The following TREML2 variants were observed in gnomAD, a reference collection of about 807,000 sequenced individuals.
The protein encoded by TREML2 is trem-like transcript 2 protein.
TREML2 carries 24 observed loss-of-function variants against 25.9 expected under a neutral mutation model. The ratio of observed to expected loss-of-function variants is 0.93; its 90% CI spans 0.67 to 1.30. The LOEUF (loss-of-function observed/expected upper bound fraction) is 1.30, where lower values mean the gene tolerates loss of function less well. Among genes scored for constraint, TREML2 ranks in the 50% most tolerant of loss-of-function variants. TREML2 has a pLI of 0.00. For missense variants in TREML2, 359 were observed against 395.6 expected, an observed-to-expected ratio of 0.91 and a Z score of 0.78; for synonymous variants, 139 against 155.2, an observed-to-expected ratio of 0.90 and a Z score of 0.77.
chr6:41,194,559 A>G lies in TREML2; in HGVS notation c.651T>C (p.Asn217=), dbSNP rs551464347. Residue 217 remains asparagine, a synonymous_variant, in exon 3 of 5, where the codon AAT becomes AAC. Transcript: ENST00000483722. Reference sequence around the variant, plus strand: ...CTGGGCCAGCAGAGGAGTCCCTGGCATTGCTGGGAGACGCGGTCACTGTCT... The same window carrying G: ...CTGGGCCAGCAGAGGAGTCCCTGGCGTTGCTGGGAGACGCGGTCACTGTCT... ...GSQTVTASPS[N]ARDSSAGPES... 6.2e-7 allele frequency: 1 copy of G among 1,614,006 alleles called. No homozygotes were observed. The highest frequency in any genetic ancestry group is 2.2e-5 in the East Asian group (1 of 44,820).
chr6:41,198,166 G>C lies in TREML2; in HGVS notation c.319C>G (p.Arg107Gly), dbSNP rs777126454. Residue 107 changes from arginine (R) to glycine (G), a missense_variant, in exon 2 of 5, where the codon CGC becomes GGC. Physicochemically the swap from Arg to Gly is moderately radical, Grantham distance 125. Coordinates refer to ENST00000483722, the MANE Select transcript of TREML2 (RefSeq NM_024807.4). ...LQDSGRYWCM[R>G]NTSGILYPLM... ...GGGTACAGGATCCCAGAGGTGTTGCGCATGCACCAGTATCGGCCTGAGTCC... is the reference window on the plus strand; with the variant it reads ...GGGTACAGGATCCCAGAGGTGTTGCCCATGCACCAGTATCGGCCTGAGTCC... 2.5e-6 allele frequency: 4 copies of C among 1,613,796 alleles called. No homozygotes were observed. Among genetic ancestry groups the C allele is most frequent in the Non-Finnish European group, 2.5e-6 (3 of 1,179,740 alleles).
Position 41,191,519 on chromosome 6 carries a change from C to A in TREML2, c.*908G>T, listed in dbSNP as rs537289854. ...CCACCCTTCCTCTGAGCCATGGTCT[C>A]CCCACCAGTGTCTGTGGGGTGAGCA... On this transcript the variant is annotated 3_prime_UTR_variant, in exon 5 of 5. Transcript: ENST00000483722. The A allele has an allele frequency of 1.3e-5, 2 of 152,400 alleles. No individual in the cohort carries two copies. 9.4% of individuals were successfully genotyped at this position (152,400 alleles called of 1,614,324 possible).
In TREML2 at chr6:41,192,431, A is replaced by C; in HGVS notation, c.962T>G (p.Ile321Ser). 6.2e-7 allele frequency: 1 copy of C among 1,613,788 alleles called. No homozygotes were observed. The change falls in exon 5 of 5, where the codon ATC (isoleucine) becomes AGC (serine). Residue 321 changes from isoleucine (I) to serine (S), a missense_variant. Ile to Ser is a moderately radical substitution (Grantham distance 142). Transcript: ENST00000483722. ...CCACCCCATGCTTAAGTGGCCTCAGATCAAGTAGACTTCCACATAGGGCTC... is the reference window on the plus strand; with the variant it reads ...CCACCCCATGCTTAAGTGGCCTCAGCTCAAGTAGACTTCCACATAGGGCTC... ...RPEPYVEVYLI is the reference protein window; with the variant it reads ...RPEPYVEVYLS
Position 41,198,221 on chromosome 6 carries a change from G to C in TREML2, c.264C>G (p.Val88=), listed in dbSNP as rs1766206314. The part of the protein sequence containing the change: ...LLQDDAQAKV[V]NITMVALKLQ... ...GCTTGAGGGCCACCATGGTGATGTT[G>C]ACCACCTTGGCCTGGGCATCGTCCT... The change falls in exon 2 of 5, where the codon GTC becomes GTG. Residue 88 remains valine, a synonymous_variant. Coordinates refer to ENST00000483722, the MANE Select transcript of TREML2 (RefSeq NM_024807.4). 1.9e-6 allele frequency: 3 copies of C among 1,614,218 alleles called. No homozygotes were observed. The African/African-American group carries it at 4.0e-5, about 22-fold the overall frequency.
At chr6:41,198,466 G>T in intron 1 of TREML2, 37 bp from the exon 2 acceptor site, 1 of 1,561,078 alleles carries the variant, frequency 6.4e-7, no homozygotes, top group Non-Finnish European at 8.7e-7. Flanking sequence ...GGTCTGGCAA[G>T]AGGAGAGGAA....
At position 41,189,931 on chromosome 6, in the gene TREML2, G is replaced by A. The variant is rs769412884; in HGVS notation, c.*2496C>T. Among the ~76,000 whole-genome samples the A allele has an allele frequency of 7.2e-5, 11 of 152,126 alleles. No homozygotes were observed. The highest frequency in any genetic ancestry group is 1.9e-4 in the East Asian group (1 of 5,194). On this transcript the variant is annotated 3_prime_UTR_variant, in exon 5 of 5. Coordinates refer to ENST00000483722, the MANE Select transcript of TREML2 (RefSeq NM_024807.4). ...GGTAGCTCCCTGCTGTCCTTCTAAT[G>A]TACATGTGGGCCCTTGGCTTGAGTT...
rs138995781 is a variant in TREML2 at position 41,198,389 on chromosome 6, A to G, written c.96T>C (p.Leu32=). The change falls in exon 2 of 5, where the codon CTT becomes CTC. Residue 32 remains leucine, a synonymous_variant. Transcript: ENST00000483722. Reference sequence around the variant, plus strand: ...ACTGCACAGACAGAGTCTCCCCTTCAAGGAGCCTCACTTTTGTGTATACAC... The same window carrying G: ...ACTGCACAGACAGAGTCTCCCCTTCGAGGAGCCTCACTTTTGTGTATACAC... ...ADSVYTKVRL[L]EGETLSVQCS... 261 of 1,613,910 alleles carry G rather than the reference A, an allele frequency of 1.6e-4. No homozygotes were observed. Among genetic ancestry groups the G allele is most frequent in the Admixed American group, 4.7e-4 (28 of 59,998 alleles).
At chr6:41,194,916 C>CT in intron 2 of TREML2, 83 bp from the exon 3 acceptor site, 4 of 1,349,212 alleles carry the variant, frequency 3.0e-6, no homozygotes, top group Non-Finnish European at 4.0e-6. Flanking sequence ...ACACAGTTGC[C>CT]TGGAAGCCTG....
In TREML2 at chr6:41,192,461, C is replaced by T. The variant is rs2113902200; in HGVS notation, c.932G>A (p.Arg311Lys). The change falls in exon 5 of 5, where the codon AGA (arginine) becomes AAA (lysine). Residue 311 changes from arginine to lysine, a missense_variant. Coordinates refer to ENST00000483722, the MANE Select transcript of TREML2 (RefSeq NM_024807.4). ...SDPSTRDPPG[R>K]PEPYVEVYLI Reference sequence around the variant, plus strand: ...GTAGACTTCCACATAGGGCTCTGGTCTTCCAGGTGGGTCACGTGTAGAAGG... The same window carrying T: ...GTAGACTTCCACATAGGGCTCTGGTTTTCCAGGTGGGTCACGTGTAGAAGG... The T allele has an allele frequency of 6.2e-7, 1 of 1,614,044 alleles. No homozygotes were observed. The highest frequency in any genetic ancestry group is 2.2e-5 in the East Asian group (1 of 44,882).
Position 41,201,035 on chromosome 6 carries a change from G to C in TREML2, c.-27C>G. On this transcript the variant is annotated 5_prime_UTR_variant, in exon 1 of 5. Coordinates refer to ENST00000483722, the MANE Select transcript of TREML2 (RefSeq NM_024807.4). ...GTTCCATCCAGCTGGGCAGTGTCAG[G>C]CCTGGAGATCCAAGGTGAGGGCCCA... 1 of 1,611,886 alleles carries C rather than the reference G, an allele frequency of 6.2e-7. No individual in the cohort carries two copies. The highest frequency in any genetic ancestry group is 1.1e-5 in the South Asian group (1 of 90,784).
rs774682988 is a variant in TREML2 at position 41,192,552 on chromosome 6, G to A, written c.887-46C>T. 22 of 1,567,896 alleles carry A rather than the reference G, an allele frequency of 1.4e-5. No homozygotes were observed. The African/African-American group carries it at 1.5e-4, about 11-fold the overall frequency. On this transcript the variant is annotated intron_variant, in intron 4 of 4. Coordinates refer to ENST00000483722, the MANE Select transcript of TREML2 (RefSeq NM_024807.4). ...TGAGGAAGTGTCCTGCCCTGCCCAC[G>A]GTGCCCCGATGCTCCTCCACCAGCC...
chr6:41,197,470 T>C (rs1481456222), intron 2 of TREML2, among the ~76,000 whole-genome samples: 3 of 152,174 alleles, frequency 2.0e-5, no homozygotes, highest in African/African-American at 7.2e-5. Flanking sequence ...GACAAAGTGC[T>C]CTTCAAAGCA....
At chr6:41,199,651 CT>C (rs955854423) in intron 1 of TREML2, among the ~76,000 whole-genome samples, 1 of 152,178 alleles carries the variant, frequency 6.6e-6, no homozygotes, top group African/African-American at 2.4e-5. Context: ...CCCTCCACCC[CT>C]CTGCCTGCCT....
chr6:41,196,160 G>T (rs1209199640), intron 2 of TREML2, among the ~76,000 whole-genome samples: 3 of 152,166 alleles, frequency 2.0e-5, no homozygotes, highest in Admixed American at 6.5e-5. Context: ...GACATAACAT[G>T]ATTAGAGGAA....
intron 2 of TREML2, among the ~76,000 whole-genome samples, chr6:41,196,284 C>A (rs6915227): frequency 2.6e-5 from 4 of 152,088 alleles, no homozygotes; most frequent in Admixed American, 6.5e-5. Context: ...GAGAGGGGAG[C>A]AATGAGATTT....
chr6:41,199,611 A>C (rs2113910106), intron 1 of TREML2, among the ~76,000 whole-genome samples: 1 of 152,278 alleles, frequency 6.6e-6, no homozygotes, highest in Non-Finnish European at 1.5e-5. Flanking sequence ...GACTCAGGGG[A>C]CAGAGAGAGG....
Position 41,189,831 on chromosome 6 carries a change from T to C in TREML2, c.*2596A>G, listed in dbSNP as rs1277869268. On this transcript the variant is annotated 3_prime_UTR_variant, in exon 5 of 5. Transcript: ENST00000483722. ...AGGCCTGAAAGAGGGTTGCCATTTT[T>C]ACAGTTGAATGTAAAGGCTTTTATA... 2.0e-5 allele frequency among the ~76,000 whole-genome samples: 3 copies of C among 152,240 alleles called. No individual in the cohort carries two copies. The highest frequency in any genetic ancestry group is 6.5e-5 in the Admixed American group (1 of 15,288).
chr6:41,195,058 CT>C (rs1766136612), intron 2 of TREML2, among the ~76,000 whole-genome samples: 1 of 152,162 alleles, frequency 6.6e-6, no homozygotes, highest in Non-Finnish European at 1.5e-5. Context: ...AAGGGAGAGA[CT>C]ACCACAATTT....
Position 41,192,266 on chromosome 6 carries a change from TG to T in TREML2, c.*160del. ...CAAGGAGAACACTGGGCTGTGGGGCTGCTTAGGATGGCAGCCTCTGGGTTTG... is the reference window on the plus strand; with the variant it reads ...CAAGGAGAACACTGGGCTGTGGGGCTCTTAGGATGGCAGCCTCTGGGTTTG... On this transcript the variant is annotated 3_prime_UTR_variant, in exon 5 of 5. Transcript: ENST00000483722. 1 of 640,570 alleles carries T rather than the reference TG, an allele frequency of 1.6e-6. No individual in the cohort carries two copies. Among genetic ancestry groups the T allele is most frequent in the East Asian group, 2.8e-5 (1 of 36,218 alleles). 39.7% of individuals were successfully genotyped at this position (640,570 alleles called of 1,614,324 possible). A position where few individuals can be genotyped will look rare whatever the true frequency, so the allele number is the denominator to read the frequency against.
Sources: gnomAD v4.1 joint callset for allele counts (sites outside exome capture counted in the v4.1 genomes callset) on GRCh38, gnomAD v4.1.1 for gene constraint, MANE v1.5 for transcripts, NCBI Gene and HGNC (gene_info 2026-07-23, HGNC 2026-07-21) for gene names.